Variants in CWC27 observed in about 807,000 individuals in gnomAD.
CWC27 encodes the protein spliceosome-associated protein CWC27 homolog.
CWC27 carries 47 observed loss-of-function variants against 63.6 expected under a neutral mutation model. The observed-to-expected ratio is 0.74, with a 90% CI of 0.58 to 0.94. CWC27 has a LOEUF of 0.94. CWC27 is among the 40% of genes least tolerant of loss of function. The pLI is 0.00. For synonymous variants in CWC27, 175 were observed against 179.8 expected, an observed-to-expected ratio of 0.97 and a Z score of 0.22; for missense variants, 495 against 554.3, an observed-to-expected ratio of 0.89 and a Z score of 1.07.
intron 12 of CWC27, among the ~76,000 whole-genome samples, chr5:64,975,495 C>T (rs1321884491): frequency 6.6e-6 from 1 of 152,198 alleles, no homozygotes; most frequent in Middle Eastern, 3.4e-3. Flanking sequence ...ATGATGGACT[C>T]TGTAAATATG....
At chr5:64,892,196 G>A (rs914200290) in intron 11 of CWC27, among the ~76,000 whole-genome samples, 8 of 152,086 alleles carry the variant, frequency 5.3e-5, no homozygotes, top group African/African-American at 1.2e-4. Flanking sequence ...CTGGCCTGGT[G>A]GTTGTAATTT....
intron 11 of CWC27, among the ~76,000 whole-genome samples, chr5:64,929,007 T>G (rs1748178612): frequency 6.6e-6 from 1 of 151,984 alleles, no homozygotes; most frequent in South Asian, 2.1e-4. Context: ...ATTATAAAAC[T>G]ATTTTATGTA....
chr5:64,805,264 AT>A (rs1390730756), intron 10 of CWC27, among the ~76,000 whole-genome samples: 1 of 151,730 alleles, frequency 6.6e-6, no homozygotes, highest in Non-Finnish European at 1.5e-5. Context: ...AGCTTTTAAC[AT>A]TTAGAAATGG....
At chr5:64,924,561 A>G (rs1417952580) in intron 11 of CWC27, among the ~76,000 whole-genome samples, 2 of 152,108 alleles carry the variant, frequency 1.3e-5, no homozygotes, top group Non-Finnish European at 2.9e-5. Flanking sequence ...TTATCCTCCT[A>G]TAGAATTCTG....
chr5:64,940,842 C>CTTTTTTTTTTTTTTTTTT (rs70983655), intron 11 of CWC27, among the ~76,000 whole-genome samples: 27 of 64,974 alleles, frequency 4.2e-4, no homozygotes, highest in South Asian at 7.2e-4. Flanking sequence ...TTCTTTCTTT[C>CTTTTTTTTTTTTTTTTTT]TTTTTTTTTT....
chr5:64,860,547 T>A (rs1170769128), intron 10 of CWC27, among the ~76,000 whole-genome samples: 1 of 152,224 alleles, frequency 6.6e-6, no homozygotes, highest in East Asian at 1.9e-4. Context: ...TTTGGCTGTT[T>A]TGACCATGTT....
chr5:64,969,304 T>A (rs1031711347), intron 11 of CWC27, among the ~76,000 whole-genome samples: 2 of 152,184 alleles, frequency 1.3e-5, no homozygotes, highest in Non-Finnish European at 2.9e-5. Context: ...GCAAAGAACT[T>A]GTCCTTTCTC....
chr5:64,887,184 G>A (rs946880272), intron 11 of CWC27, among the ~76,000 whole-genome samples: 1 of 151,740 alleles, frequency 6.6e-6, no homozygotes, highest in Non-Finnish European at 1.5e-5. Flanking sequence ...AATGCAATAG[G>A]TATACTATAA....
chr5:64,890,659 A>G lies in CWC27; in HGVS notation c.1042+5113A>G, dbSNP rs1747211826. ...TTACATAAAGTGAAAGTATATTTGC[A>G]CTTGACTCATTGGATGCATCTCAGG... On this transcript the variant is annotated intron_variant, in intron 11 of 13. Transcript: ENST00000381070. Among the ~76,000 whole-genome samples, 4 of 152,078 alleles carry G rather than the reference A, an allele frequency of 2.6e-5. No homozygotes were observed. The South Asian group carries it at 8.3e-4, about 31-fold the overall frequency.
At chr5:64,879,790 C>A (rs1453399964) in intron 10 of CWC27, among the ~76,000 whole-genome samples, 58 of 136,422 alleles carry the variant, frequency 4.3e-4, no homozygotes, top group South Asian at 6.9e-4. Context: ...AAATCGGTTG[C>A]AAAAAAAAAA....
intron 3 of CWC27, among the ~76,000 whole-genome samples, chr5:64,782,938 T>C (rs1254490648): frequency 6.6e-6 from 1 of 152,200 alleles, no homozygotes; most frequent in Admixed American, 6.5e-5. Context: ...GGAAGCATTC[T>C]TTTATTCTTT....
intron 10 of CWC27, among the ~76,000 whole-genome samples, chr5:64,866,374 A>T (rs78274051): frequency 1.4e-4 from 22 of 152,226 alleles, no homozygotes; most frequent in African/African-American, 4.8e-4. Flanking sequence ...CAGGAAAAAA[A>T]TACCAGGAAA....
chr5:64,769,506 C>T (rs1743162643), intron 1 of CWC27, among the ~76,000 whole-genome samples: 1 of 152,034 alleles, frequency 6.6e-6, no homozygotes, highest in Non-Finnish European at 1.5e-5. Flanking sequence ...ATATTCTTTG[C>T]TTAACTAAGG....
intron 1 of CWC27, among the ~76,000 whole-genome samples, chr5:64,770,006 A>G (rs1486932988): frequency 6.6e-6 from 1 of 152,216 alleles, no homozygotes; most frequent in Non-Finnish European, 1.5e-5. Flanking sequence ...CACATATGAA[A>G]TTTGATGAAT....
chr5:64,996,291 TTAA>T (rs1749631166), intron 13 of CWC27, among the ~76,000 whole-genome samples: 1 of 152,150 alleles, frequency 6.6e-6, no homozygotes, highest in African/African-American at 2.4e-5. Context: ...AAAACATATG[TTAA>T]TAATCTTTCA....
chr5:64,941,769 C>T (rs1353170512), intron 11 of CWC27, among the ~76,000 whole-genome samples: 1 of 152,038 alleles, frequency 6.6e-6, no homozygotes, highest in African/African-American at 2.4e-5. Context: ...CCCTCTGCCA[C>T]ACTATCAGGA....
chr5:64,851,436 A>T (rs1299911185), intron 10 of CWC27, among the ~76,000 whole-genome samples: 1 of 152,178 alleles, frequency 6.6e-6, no homozygotes, highest in African/African-American at 2.4e-5. Context: ...GTTCAAAATC[A>T]TACAGGAGTG....
At chr5:64,902,664 C>T (rs780872715) in intron 11 of CWC27, among the ~76,000 whole-genome samples, 5 of 152,124 alleles carry the variant, frequency 3.3e-5, no homozygotes, top group Non-Finnish European at 7.4e-5. Context: ...TGTAAGTCCT[C>T]CCACATTTTT....
rs569252885 is a variant in CWC27, at chr5:64,915,366, T to A, written c.1042+29820T>A. On this transcript the variant is annotated intron_variant, in intron 11 of 13. Coordinates refer to ENST00000381070, the MANE Select transcript of CWC27 (RefSeq NM_005869.4). ...CGTAGGGAAAGATAATGGTTACTTT[T>A]ATAGGGAAGAGAGAGGTTAACAAAT... 2.2e-4 allele frequency among the ~76,000 whole-genome samples: 34 copies of A among 152,310 alleles called. No homozygotes were observed. The East Asian group carries it at 6.6e-3, about 29-fold the overall frequency.
Sources: gnomAD v4.1 joint callset for allele counts (sites outside exome capture counted in the v4.1 genomes callset) on GRCh38, gnomAD v4.1.1 for gene constraint, MANE v1.5 for transcripts, NCBI Gene and HGNC (gene_info 2026-07-23, HGNC 2026-07-21) for gene names.